The following COL21A1 variants were observed in gnomAD, a reference collection of about 807,000 sequenced individuals.
The protein encoded by COL21A1 is collagen alpha-1(XXI) chain.
In COL21A1, 149 loss-of-function variants were observed where a neutral mutation model predicts 137.9. That is an observed-to-expected ratio of 1.08 (90% CI 0.95 to 1.24). COL21A1 has a LOEUF of 1.24. Ranked by LOEUF, COL21A1 falls within the 50% of genes most tolerant of loss-of-function variation. The pLI is 0.00. For synonymous variants in COL21A1, 456 were observed against 391.5 expected, an observed-to-expected ratio of 1.16 and a Z score of -1.95; for missense variants, 1,167 against 1,158.4, an observed-to-expected ratio of 1.01 and a Z score of -0.11.
intron 1 of COL21A1, among the ~76,000 whole-genome samples, chr6:56,371,906 A>G (rs2093989509): frequency 6.6e-6 from 1 of 152,310 alleles, no homozygotes; most frequent in South Asian, 2.1e-4. Context: ...ATCCACACCC[A>G]AGTCCCTGCT....
At position 56,059,169 on chromosome 6, in the gene COL21A1, G is replaced by A. The variant is rs185079637; in HGVS notation, c.2682C>T (p.Pro894=). ...GYPGEQGPPG[P]PGPEGPPGIS... is the part of the protein sequence containing the mutation. ...TGAGCAGGTAGCAATTCTCACCTGGGGGACCAGGAGGACCTTGTTCTCCAG... is the reference window on the plus strand; with the variant it reads ...TGAGCAGGTAGCAATTCTCACCTGGAGGACCAGGAGGACCTTGTTCTCCAG... The change falls in exon 29 of 30, where the codon CCC becomes CCT. Residue 894 remains proline, a synonymous_variant. Transcript: ENST00000244728. 3.1e-3 allele frequency: 4,941 copies of A among 1,611,580 alleles called. 254 individuals are homozygous for A. In the Admixed American group the frequency reaches 0.079, roughly 26 times the overall value.
In COL21A1 at chr6:56,180,047, T is replaced by C. The variant is rs1427965361; in HGVS notation, c.171A>G (p.Lys57=). 6.2e-7 allele frequency: 1 copy of C among 1,613,764 alleles called. No individual in the cohort carries two copies. The highest frequency in any genetic ancestry group is 2.2e-5 in the East Asian group (1 of 44,886). Residue 57 remains lysine (K), a synonymous_variant, in exon 3 of 30, where the codon AAA becomes AAG. Coordinates refer to ENST00000244728, the MANE Select transcript of COL21A1 (RefSeq NM_030820.4). ...SVGPENFEIV[K]KWLVNITKNF... is the part of the protein sequence containing the mutation. ...TTTTTGTGATATTGACAAGCCACTT[T>C]TTCACTATTTCAAAGTTTTCTGGGC...
intron 1 of COL21A1, among the ~76,000 whole-genome samples, chr6:56,318,877 G>C (rs553117593): frequency 9.9e-5 from 15 of 151,436 alleles, no homozygotes; most frequent in East Asian, 7.8e-4. Flanking sequence ...TCTTCAAACT[G>C]TCTGTACCTA....
rs375669564 is a variant in COL21A1 at position 56,142,823 on chromosome 6, T to C, written c.1435-840A>G. 6.6e-5 allele frequency among the ~76,000 whole-genome samples: 10 copies of C among 152,310 alleles called. No individual in the cohort carries two copies. In the East Asian group the frequency reaches 7.7e-4, roughly 12 times the overall value. The stretch of plus-strand genomic sequence containing the variant: ...TTCAGACTCCATTTTTCTTAGATCT[T>C]ACTGTTTGGGTACCAGTCTTCATTG... On this transcript the variant is annotated intron_variant, in intron 10 of 29. Transcript: ENST00000244728.
chr6:56,124,039 CTTTTT>C lies in COL21A1; in HGVS notation c.1758+18_1758+22del. 1 of 1,274,116 alleles carries C rather than the reference CTTTTT, an allele frequency of 7.8e-7. No homozygotes were observed. The highest frequency in any genetic ancestry group is 1.6e-5 in the African/African-American group (1 of 63,618). The allele number at this position is 1,274,116 out of a possible 1,614,324, so 78.9% of individuals were successfully genotyped here. On this transcript the variant is annotated intron_variant, in intron 16 of 29. Transcript: ENST00000244728. ...GATACAAAAATCTTTTTGTTTTGTCCTTTTTTTTTTTTTTATAAATACCTTGAAAC... is the reference window on the plus strand; with the variant it reads ...GATACAAAAATCTTTTTGTTTTGTCCTTTTTTTTTATAAATACCTTGAAAC...
intron 1 of COL21A1, among the ~76,000 whole-genome samples, chr6:56,221,980 T>G (rs1780856805): frequency 2.6e-5 from 4 of 152,026 alleles, no homozygotes; most frequent in Admixed American, 2.6e-4. Flanking sequence ...CCATTTAAAA[T>G]TGAAAGTGTT....
At chr6:56,366,057 A>T (rs1186817021) in intron 1 of COL21A1, among the ~76,000 whole-genome samples, 1 of 152,226 alleles carries the variant, frequency 6.6e-6, no homozygotes, top group Non-Finnish European at 1.5e-5. Flanking sequence ...GAAAAGGTTA[A>T]TGCAAATGTG....
chr6:56,336,415 C>T (rs1266234590), intron 1 of COL21A1, among the ~76,000 whole-genome samples: 1 of 152,056 alleles, frequency 6.6e-6, no homozygotes, highest in East Asian at 1.9e-4. Flanking sequence ...TATGTGGATA[C>T]TATTCACTTT....
intron 1 of COL21A1, among the ~76,000 whole-genome samples, chr6:56,298,860 C>T (rs1252227121): frequency 6.6e-6 from 1 of 152,082 alleles, no homozygotes; most frequent in Non-Finnish European, 1.5e-5. Context: ...CAAGTTACTA[C>T]CTGCTATTAC....
At chr6:56,062,235 C>T (rs935056724) in intron 24 of COL21A1, among the ~76,000 whole-genome samples, 1 of 152,062 alleles carries the variant, frequency 6.6e-6, no homozygotes, top group African/African-American at 2.4e-5. Flanking sequence ...ACCAGAGAAG[C>T]AATGTCATCT....
intron 1 of COL21A1, among the ~76,000 whole-genome samples, chr6:56,300,053 G>A (rs1423436760): frequency 2.0e-5 from 3 of 152,062 alleles, no homozygotes; most frequent in Non-Finnish European, 4.4e-5. Flanking sequence ...TAGTTGTTAT[G>A]TTTTTCCTTC....
intron 1 of COL21A1, among the ~76,000 whole-genome samples, chr6:56,243,004 T>C (rs1782426807): frequency 6.6e-6 from 1 of 152,184 alleles, no homozygotes; most frequent in African/African-American, 2.4e-5. Context: ...TAAAAAAATA[T>C]GAATTGTTAT....
intron 10 of COL21A1, among the ~76,000 whole-genome samples, chr6:56,145,827 G>A (rs1774792111): frequency 1.3e-5 from 2 of 150,600 alleles, no homozygotes; most frequent in African/African-American, 4.9e-5. Flanking sequence ...TCTTTTCCAT[G>A]TTCACAGAAA....
chr6:56,259,755 T>C (rs1285562985), intron 1 of COL21A1, among the ~76,000 whole-genome samples: 1 of 152,206 alleles, frequency 6.6e-6, no homozygotes, highest in Non-Finnish European at 1.5e-5. Context: ...AACATGCACT[T>C]TTCCCAAAAG....
chr6:56,178,048 T>C (rs974047585), intron 3 of COL21A1, among the ~76,000 whole-genome samples: 2 of 152,146 alleles, frequency 1.3e-5, no homozygotes, highest in South Asian at 2.1e-4. Context: ...CTTTCATGTG[T>C]AGTTAGAATC....
intron 1 of COL21A1, among the ~76,000 whole-genome samples, chr6:56,325,037 T>G (rs911004312): frequency 1.3e-5 from 2 of 150,950 alleles, no homozygotes; most frequent in South Asian, 2.1e-4. Flanking sequence ...ATACCCTTTT[T>G]GCGCTATCCT....
rs9475592 is a variant in COL21A1 at position 56,182,949 on chromosome 6, G to A, written c.-38-293C>T. Among the ~76,000 whole-genome samples, 1,367 of 152,202 alleles carry A rather than the reference G, an allele frequency of 9.0e-3. 19 individuals carry two copies. The highest frequency in any genetic ancestry group is 0.031 in the African/African-American group (1,278 of 41,528). On this transcript the variant is annotated intron_variant, in intron 1 of 29. Coordinates refer to ENST00000244728, the MANE Select transcript of COL21A1 (RefSeq NM_030820.4). ...ATTTACTCAAATTTATCCTTTGGGC[G>A]TAGCCTGTAGAACCTTATCTCATTC...
At position 56,283,320 on chromosome 6, in the gene COL21A1, G is replaced by T. The variant is rs190271761; in HGVS notation, c.-38-100664C>A. 2.6e-5 allele frequency among the ~76,000 whole-genome samples: 4 copies of T among 151,896 alleles called. No individual in the cohort carries two copies. In the South Asian group the frequency reaches 6.2e-4, roughly 24 times the overall value. On this transcript the variant is annotated intron_variant, in intron 1 of 28. Transcript: ENST00000370819. ...TAGAATAATATATAGTCATTAAAAT[G>T]GTTTTTTGACAAATATTTAACCATG...
chr6:56,079,788 C>T (rs958813886), intron 17 of COL21A1, among the ~76,000 whole-genome samples: 7 of 151,582 alleles, frequency 4.6e-5, no homozygotes, highest in Admixed American at 1.3e-4. Context: ...ATATGTATGT[C>T]CATGAAGTCC....
Sources: allele counts gnomAD v4.1 joint callset (sites outside exome capture counted in the v4.1 genomes callset), GRCh38; gene constraint gnomAD v4.1.1; transcripts MANE v1.5; gene names NCBI Gene and HGNC (gene_info 2026-07-23, HGNC 2026-07-21).